Variants in GSE1 observed in about 807,000 individuals in gnomAD.
GSE1 encodes the protein Gse1 coiled-coil protein, also known as genetic suppressor element 1.
In GSE1, 32 loss-of-function variants were observed where a neutral mutation model predicts 112.6. That is an observed-to-expected ratio of 0.28 (90% confidence interval 0.21 to 0.38). GSE1 has a LOEUF of 0.38. Ranked by LOEUF, GSE1 falls within the 10% of genes least tolerant of loss-of-function variation. The pLI, the probability that GSE1 is intolerant of heterozygous loss-of-function variation, is 1.00. For missense variants in GSE1, 2,348 were observed against 1,699.2 expected (o/e 1.38, Z -6.71); for synonymous variants, 1,115 against 735.6 (o/e 1.52, Z -8.35).
rs1166572723 is a variant in GSE1, at chr16:85,656,658, C to A, written c.1305C>A (p.Thr435=). The A allele has an allele frequency of 6.6e-7, 1 of 1,516,920 alleles. No homozygotes were observed. The highest frequency in any genetic ancestry group is 8.8e-7 in the Non-Finnish European group (1 of 1,130,914). 94.0% of individuals were successfully genotyped at this position (1,516,920 alleles called of 1,614,324 possible). Residue 435 remains threonine (T), a synonymous_variant, in exon 7 of 16, where the codon ACC becomes ACA. Coordinates refer to ENST00000253458, the MANE Select transcript of GSE1 (RefSeq NM_014615.5). ...AGCCCTCGGAGCAGCTGACCCCAAC[C>A]CGAGCAGGTACCTGGGCGTGGGTGG... ...RGKPSEQLTP[T]RAEKLKDAGL...
At chr16:85,668,110 A>G (rs1375185946) in intron 13 of GSE1, 30 bp from the exon 14 acceptor site, 1 of 1,523,186 alleles carries the variant, frequency 6.6e-7, no homozygotes, top group Non-Finnish European at 8.9e-7. Context: ...TTCCCCCAAC[A>G]CACTGATGCA....
intron 1 of GSE1, among the ~76,000 whole-genome samples, chr16:85,618,977 T>G (rs1016786289): frequency 2.6e-5 from 4 of 152,254 alleles, no homozygotes; most frequent in Non-Finnish European, 4.4e-5. Flanking sequence ...CTTTAATTTA[T>G]AAAGTTCCAA....
chr16:85,331,361 G>GTATATATATATA (rs1299782485), intron 1 of GSE1, among the ~76,000 whole-genome samples: 1 of 66,978 alleles, frequency 1.5e-5, no homozygotes, highest in East Asian at 3.8e-4. Flanking sequence ...GTGTGTGTGT[G>GTATATATATATA]TGTGTATATA....
rs1487888112 is a variant in GSE1, at chr16:85,662,972, C to T, written c.2261-9C>T. On this transcript the variant is annotated splice_polypyrimidine_tract_variant and intron_variant, in intron 9 of 15. Coordinates refer to ENST00000253458, the MANE Select transcript of GSE1 (RefSeq NM_014615.5). ...TTTGTCTGGCTGAATACAACCATTT[C>T]TCCATCAGGGTACTACTACGACCTC... 3.2e-6 allele frequency: 5 copies of T among 1,556,568 alleles called. No individual in the cohort carries two copies. The highest frequency in any genetic ancestry group is 3.3e-5 in the Admixed American group (2 of 59,926).
At chr16:85,303,181 A>G (rs1470042667) in intron 1 of GSE1, among the ~76,000 whole-genome samples, 1 of 152,226 alleles carries the variant, frequency 6.6e-6, no homozygotes, top group African/African-American at 2.4e-5. Flanking sequence ...GGCATTGAGG[A>G]CAGGTGGCCA....
At chr16:85,403,094 G>GC (rs905160005) in intron 2 of GSE1, among the ~76,000 whole-genome samples, 8 of 145,692 alleles carry the variant, frequency 5.5e-5, no homozygotes, top group African/African-American at 8.3e-5. Context: ...TGGTTGCTGG[G>GC]GGGGGACTCA....
At chr16:85,482,528 A>G (rs1272947973) in intron 2 of GSE1, among the ~76,000 whole-genome samples, 2 of 152,152 alleles carry the variant, frequency 1.3e-5, no homozygotes, top group Non-Finnish European at 1.5e-5. Flanking sequence ...CCTGGTAACA[A>G]CAGTCCTTAC....
At chr16:85,467,259 C>T (rs960910559) in intron 2 of GSE1, among the ~76,000 whole-genome samples, 4 of 152,210 alleles carry the variant, frequency 2.6e-5, no homozygotes, top group East Asian at 1.9e-4. Context: ...CTGCCTCTTA[C>T]GGGTTGTGCG....
chr16:85,448,986 C>T (rs1470496172), intron 2 of GSE1, among the ~76,000 whole-genome samples: 12 of 152,184 alleles, frequency 7.9e-5, no homozygotes, highest in African/African-American at 1.4e-4. Flanking sequence ...ACCCGCTCAG[C>T]CCTCACTCGC....
intron 2 of GSE1, among the ~76,000 whole-genome samples, chr16:85,527,714 G>C (rs1021370431): frequency 1.3e-5 from 2 of 152,264 alleles, no homozygotes; most frequent in Non-Finnish European, 2.9e-5. Flanking sequence ...TGGGCTGATT[G>C]CACAGCCTGT....
intron 2 of GSE1, among the ~76,000 whole-genome samples, chr16:85,527,252 C>T (rs2052393216): frequency 6.6e-6 from 1 of 152,220 alleles, no homozygotes; most frequent in Admixed American, 6.5e-5. Context: ...TGGCTCCGGC[C>T]TCGCCCACCT....
intron 1 of GSE1, among the ~76,000 whole-genome samples, chr16:85,322,016 C>T (rs946047447): frequency 6.6e-6 from 1 of 152,240 alleles, no homozygotes; most frequent in African/African-American, 2.4e-5. Context: ...CGGCTCCTCC[C>T]TGCCTGGGCA....
At chr16:85,578,318 C>T (rs2046314916) in intron 1 of GSE1, among the ~76,000 whole-genome samples, 1 of 152,328 alleles carries the variant, frequency 6.6e-6, no homozygotes, top group African/African-American at 2.4e-5. Context: ...ATAACGGTGG[C>T]AGCCTGTCCC....
chr16:85,233,687 C>G (rs1904324087), intron 1 of GSE1, among the ~76,000 whole-genome samples: 1 of 152,002 alleles, frequency 6.6e-6, no homozygotes, highest in African/African-American at 2.4e-5. Context: ...GCAGTGGGAA[C>G]AGACACACTG....
At chr16:85,624,054 G>A (rs1226705133) in intron 1 of GSE1, among the ~76,000 whole-genome samples, 5 of 152,204 alleles carry the variant, frequency 3.3e-5, no homozygotes. Flanking sequence ...CCACACTGGG[G>A]AGAGGAGAGG....
At chr16:85,181,591 G>A (rs1313070778) in intron 1 of GSE1, among the ~76,000 whole-genome samples, 1 of 152,232 alleles carries the variant, frequency 6.6e-6, no homozygotes, top group Non-Finnish European at 1.5e-5. Context: ...AGGGCTGACC[G>A]CTGCTGCGGC....
chr16:85,413,837 A>G (rs921293157), intron 2 of GSE1, among the ~76,000 whole-genome samples: 7 of 152,136 alleles, frequency 4.6e-5, no homozygotes, highest in Non-Finnish European at 8.8e-5. Context: ...GGAGGTGACT[A>G]GATCATGGGG....
chr16:85,509,709 G>T lies in GSE1; in HGVS notation c.2465-124205G>T, dbSNP rs558770157. On this transcript the variant is annotated intron_variant, in intron 2 of 2. Coordinates refer to the GSE1 transcript ENST00000637419. Reference sequence around the variant, plus strand: ...GCCATGCCGGGTGGGAGACGTGTGTGCTGTTCACGGCACACCTCGGCTGCC... The same window carrying T: ...GCCATGCCGGGTGGGAGACGTGTGTTCTGTTCACGGCACACCTCGGCTGCC... Among the ~76,000 whole-genome samples, 10 of 152,350 alleles carry T rather than the reference G, an allele frequency of 6.6e-5. No individual in the cohort carries two copies. The South Asian group carries it at 2.1e-3, about 32-fold the overall frequency.
In GSE1 at chr16:85,663,620, G is replaced by T; in HGVS notation, c.2644+6G>T. On this transcript the variant is annotated splice_donor_region_variant and intron_variant, in intron 11 of 15. Coordinates refer to ENST00000253458, the MANE Select transcript of GSE1 (RefSeq NM_014615.5). ...CAGCGCTGAGAAGAGGAAAGGTAGG[G>T]CCTCGCCTGGGTAGGAAGGTGGGGG... The T allele has an allele frequency of 6.2e-7, 1 of 1,607,198 alleles. No individual in the cohort carries two copies. The highest frequency in any genetic ancestry group is 8.5e-7 in the Non-Finnish European group (1 of 1,176,034).
Sources: allele counts gnomAD v4.1 joint callset (sites outside exome capture counted in the v4.1 genomes callset), GRCh38; gene constraint gnomAD v4.1.1; transcripts MANE v1.5; gene names NCBI Gene and HGNC (gene_info 2026-07-23, HGNC 2026-07-21).